Variants in ITPK1 observed in about 807,000 individuals in gnomAD.
ITPK1 encodes inositol-tetrakisphosphate 1-kinase, also known as inositol 1,3,4-trisphosphate 5/6-kinase.
In ITPK1, 21 loss-of-function variants were observed where a neutral mutation model predicts 45.3. The ratio of observed to expected loss-of-function variants is 0.46; its 90% CI spans 0.33 to 0.67. The LOEUF (loss-of-function observed/expected upper bound fraction) is 0.67, where lower values mean the gene tolerates loss of function less well. Ranked by LOEUF, ITPK1 falls within the 30% of genes least tolerant of loss-of-function variation. The pLI is 0.02. For missense variants in ITPK1, 474 were observed against 573.5 expected (o/e 0.83, Z 1.77); for synonymous variants, 258 against 253.6 (o/e 1.02, Z -0.16).
chr14:93,107,390 G>T (rs1463924806), intron 2 of ITPK1, among the ~76,000 whole-genome samples: 1 of 152,236 alleles, frequency 6.6e-6, no homozygotes, highest in Non-Finnish European at 1.5e-5. Context: ...AAAATAAGCA[G>T]GACAATGAGC....
chr14:92,971,668 T>C lies in ITPK1; in HGVS notation c.365-8819A>G, dbSNP rs553344521. 1.7e-4 allele frequency among the ~76,000 whole-genome samples: 26 copies of C among 152,308 alleles called. No individual in the cohort carries two copies. In the South Asian group the frequency reaches 5.2e-3, roughly 30 times the overall value. On this transcript the variant is annotated intron_variant, in intron 5 of 10. Transcript: ENST00000267615. Reference sequence around the variant, plus strand: ...GCCAGGGACACTGCAGGGAGGAAGCTGTCATGGCAGGGAAAGCCCAGGAAG... The same window carrying C: ...GCCAGGGACACTGCAGGGAGGAAGCCGTCATGGCAGGGAAAGCCCAGGAAG...
intron 3 of ITPK1, among the ~76,000 whole-genome samples, chr14:93,030,587 G>C (rs752635668): frequency 2.6e-5 from 4 of 152,218 alleles, no homozygotes; most frequent in Non-Finnish European, 5.9e-5. Context: ...CCTAGTGTGG[G>C]AGACAGACAA....
chr14:92,970,572 CA>C (rs1885596223), intron 5 of ITPK1, among the ~76,000 whole-genome samples: 1 of 152,160 alleles, frequency 6.6e-6, no homozygotes, highest in Admixed American at 6.5e-5. Flanking sequence ...AGAGGGGCCC[CA>C]TTGTGTTGCT....
At chr14:92,966,942 T>C (rs1885401107) in intron 5 of ITPK1, among the ~76,000 whole-genome samples, 1 of 152,194 alleles carries the variant, frequency 6.6e-6, no homozygotes, top group Admixed American at 6.5e-5. Flanking sequence ...ACAAAATTAA[T>C]TCAAAACTGA....
Position 92,941,647 on chromosome 14 carries a change from G to A in ITPK1, c.1159C>T (p.Gln387Ter), listed in dbSNP as rs1396219381. 1 of 1,540,416 alleles carries A rather than the reference G, an allele frequency of 6.5e-7. No individual in the cohort carries two copies. The highest frequency in any genetic ancestry group is 8.7e-7 in the Non-Finnish European group (1 of 1,145,156). Reference protein sequence around the residue: ...DAGGTAKLPHQRLGCNAGVSP... With the variant: ...DAGGTAKLPH ...ACGCCGGCGTTGCAGCCGAGTCTCT[G>A]GTGCGGCAGCTTGGCGGTGCCGCCC... The change falls in exon 11 of 11, where the codon CAG (glutamine) becomes TAG (stop). Residue 387 changes from glutamine (Q) to a stop codon, truncating the protein, a stop_gained. Coordinates refer to ENST00000267615, the MANE Select transcript of ITPK1 (RefSeq NM_014216.6). LOFTEE classifies it high-confidence loss of function.
chr14:93,076,539 G>A lies in ITPK1; in HGVS notation c.120+56C>T. 1 of 1,589,034 alleles carries A rather than the reference G, an allele frequency of 6.3e-7. No homozygotes were observed. Among genetic ancestry groups the A allele is most frequent in the Non-Finnish European group, 8.6e-7 (1 of 1,157,338 alleles). On this transcript the variant is annotated intron_variant, in intron 3 of 10. Transcript: ENST00000267615. The surrounding 1 kb of genome is among the most constrained non-coding windows in gnomAD (Gnocchi z 4.3). ...GGAGGAGAGAAGGAGAGACAGAGAG[G>A]TGGGCACCAAGGGCCCCACTACCCA...
chr14:92,961,825 G>T (rs916887943), intron 7 of ITPK1, among the ~76,000 whole-genome samples: 2 of 152,248 alleles, frequency 1.3e-5, no homozygotes, highest in African/African-American at 4.8e-5. Context: ...GGGCCCTCAA[G>T]ATGGGATTAG....
intron 2 of ITPK1, among the ~76,000 whole-genome samples, chr14:93,110,856 T>A (rs1158809918): frequency 6.6e-6 from 1 of 152,156 alleles, no homozygotes; most frequent in East Asian, 1.9e-4. Context: ...AGCCCCAGCC[T>A]AACCTGGGCA....
rs183638553 is a variant in ITPK1, at chr14:93,089,314, G to A, written c.96-12695C>T. Reference sequence around the variant, plus strand: ...CCTGGGTCAATCCAGCCCAGAAGCCGGGGGAGCCAGCACCCTGTTCCTCCC... The same window carrying A: ...CCTGGGTCAATCCAGCCCAGAAGCCAGGGGAGCCAGCACCCTGTTCCTCCC... On this transcript the variant is annotated intron_variant, in intron 2 of 10. Coordinates refer to ENST00000267615, the MANE Select transcript of ITPK1 (RefSeq NM_014216.6). Among the ~76,000 whole-genome samples the A allele has an allele frequency of 7.5e-4, 114 of 152,214 alleles. 1 individual carries two copies. The highest frequency in any genetic ancestry group is 2.5e-3 in the African/African-American group (103 of 41,550).
intron 2 of ITPK1, among the ~76,000 whole-genome samples, chr14:93,111,678 T>A (rs1217311631): frequency 7.3e-6 from 1 of 137,750 alleles, no homozygotes; most frequent in African/African-American, 2.8e-5. Context: ...GCCACTGCAC[T>A]CCAGGCTGGG....
intron 2 of ITPK1, among the ~76,000 whole-genome samples, chr14:93,082,350 C>T (rs1165956567): frequency 6.6e-6 from 1 of 152,172 alleles, no homozygotes; most frequent in African/African-American, 2.4e-5. Context: ...CTGAGCTTCG[C>T]AGCATTCAGA....
chr14:93,066,320 ATGTGTG>A, intron 3 of ITPK1: 6 of 421,116 alleles, frequency 1.4e-5, no homozygotes, highest in Admixed American at 5.0e-5. Flanking sequence ...GTGTGTGTGT[ATGTGTG>A]TGTGTGTGTG....
At chr14:93,007,776 G>A (rs1335919969) in intron 4 of ITPK1, among the ~76,000 whole-genome samples, 1 of 152,216 alleles carries the variant, frequency 6.6e-6, no homozygotes, top group Admixed American at 6.5e-5. Context: ...AGTGGCTGCG[G>A]GCATGCTCAG....
chr14:92,993,485 G>A (rs576674400), intron 5 of ITPK1, among the ~76,000 whole-genome samples: 2 of 152,252 alleles, frequency 1.3e-5, no homozygotes, highest in Admixed American at 1.3e-4. Context: ...ACATCTCCAC[G>A]TGTTTGATTA....
At chr14:93,031,977 T>C (rs959146244) in intron 3 of ITPK1, among the ~76,000 whole-genome samples, 5 of 152,228 alleles carry the variant, frequency 3.3e-5, no homozygotes, top group African/African-American at 1.2e-4. Flanking sequence ...CCTGAAGCTG[T>C]ACTCTTTCTA....
rs1889317666 is a variant in ITPK1, at chr14:93,036,347, G to A, written c.121-19546C>T. The stretch of plus-strand genomic sequence containing the variant: ...AAGGTCATGCTCTGTGACAGCGTGA[G>A]AAGAACTGCAAACATCTCACTGAGG... On this transcript the variant is annotated intron_variant, in intron 3 of 10. Coordinates refer to ENST00000267615, the MANE Select transcript of ITPK1 (RefSeq NM_014216.6). The surrounding 1 kb of genome is among the most constrained non-coding windows in gnomAD (Gnocchi z 4.1). Among the ~76,000 whole-genome samples the A allele has an allele frequency of 6.6e-6, 1 of 152,218 alleles. No individual in the cohort carries two copies. Among genetic ancestry groups the A allele is most frequent in the Admixed American group, 6.5e-5 (1 of 15,286 alleles).
At chr14:93,083,748 G>A (rs58809802) in intron 2 of ITPK1, among the ~76,000 whole-genome samples, 36,483 of 151,992 alleles carry the variant, frequency 0.24, 4,820 homozygotes, top group Admixed American at 0.35. Context: ...GTGTGTTGAT[G>A]GCCACACTGT....
chr14:92,964,702 G>A (rs568372528), intron 5 of ITPK1, among the ~76,000 whole-genome samples: 26 of 152,318 alleles, frequency 1.7e-4, no homozygotes, highest in Admixed American at 7.2e-4. Flanking sequence ...GGAGGCTGCT[G>A]GGGTCAAACA....
chr14:93,056,397 T>G (rs1311016495), intron 3 of ITPK1, among the ~76,000 whole-genome samples: 2 of 152,202 alleles, frequency 1.3e-5, no homozygotes, highest in African/African-American at 2.4e-5. Context: ...AACTGCAGAC[T>G]GACTCAGCAG....
Sources: gnomAD v4.1 joint callset for allele counts (sites outside exome capture counted in the v4.1 genomes callset) on GRCh38, gnomAD v4.1.1 for gene constraint, Gnocchi (gnomAD v3.1) non-coding constraint, MANE v1.5 for transcripts, NCBI Gene and HGNC (gene_info 2026-07-23, HGNC 2026-07-21) for gene names.